CFAP47: variants seen among roughly 807,000 people sequenced by gnomAD.
The protein encoded by CFAP47 is cilia and flagella associated protein 47.
In CFAP47, 29 loss-of-function variants were observed where a neutral mutation model predicts 148.1. The observed-to-expected ratio is 0.20, with a 90% CI of 0.15 to 0.27. The LOEUF is 0.27. CFAP47 is among the 10% of genes least tolerant of loss of function. The pLI is 1.00. For missense variants in CFAP47, 1,872 were observed against 1,697.5 expected (o/e 1.10, Z -1.81); for synonymous variants, 664 against 577.3 (o/e 1.15, Z -2.15).
At chrX:36,212,980 G>T (rs1206327383) in intron 45 of CFAP47, among the ~76,000 whole-genome samples, 2 of 110,893 alleles carry the variant, frequency 1.8e-5, no homozygotes, top group South Asian at 7.7e-4. Flanking sequence ...GGGCGTGGTG[G>T]CACAAGCCTG....
chrX:35,921,850 A>G (rs6632397), intron 1 of CFAP47, among the ~76,000 whole-genome samples: 14,779 of 110,649 alleles, frequency 0.13, 764 homozygotes, highest in South Asian at 0.24. Context: ...TCACTATTAT[A>G]ATCACTCAGA....
At chrX:36,084,451 G>C (rs975351253) in intron 29 of CFAP47, among the ~76,000 whole-genome samples, 8 of 111,442 alleles carry the variant, frequency 7.2e-5, no homozygotes, top group African/African-American at 2.6e-4. Flanking sequence ...CATATTTTGA[G>C]CAGTGGTAGT....
chrX:36,332,987 A>G (rs1051048869), intron 57 of CFAP47, among the ~76,000 whole-genome samples: 2 of 111,832 alleles, frequency 1.8e-5, no homozygotes, highest in African/African-American at 6.5e-5. Flanking sequence ...AGCAATCTTT[A>G]TATGTAATGT....
At chrX:36,274,831 T>G (rs782421637) in intron 49 of CFAP47, among the ~76,000 whole-genome samples, 17 of 111,895 alleles carry the variant, frequency 1.5e-4, no homozygotes, top group Non-Finnish European at 2.8e-4. Context: ...TATTACTTTT[T>G]TCATAACTCC....
intron 37 of CFAP47, among the ~76,000 whole-genome samples, chrX:36,157,974 G>T (rs1569275689): frequency 9.0e-6 from 1 of 111,642 alleles, no homozygotes; most frequent in South Asian, 3.7e-4. Context: ...AATTGTTGAG[G>T]ACACATATCT....
At chrX:36,244,078 A>ACAC in intron 48 of CFAP47, among the ~76,000 whole-genome samples, 1 of 111,475 alleles carries the variant, frequency 9.0e-6, no homozygotes, top group East Asian at 2.8e-4. Flanking sequence ...TAATATCAAG[A>ACAC]AGATTTCTCA....
intron 21 of CFAP47, among the ~76,000 whole-genome samples, chrX:36,005,169 G>A (rs762528651): frequency 3.4e-4 from 37 of 110,411 alleles, no homozygotes; most frequent in African/African-American, 1.1e-3. Context: ...CTGATTTGCT[G>A]TATTATTTTT....
intron 62 of CFAP47, among the ~76,000 whole-genome samples, chrX:36,371,771 C>CGTGTGCATAT (rs1941955061): frequency 2.2e-5 from 1 of 44,941 alleles, no homozygotes; most frequent in African/African-American, 2.6e-4. Flanking sequence ...TGTGTATATA[C>CGTGTGCATAT]ACACATGTGT....
chrX:36,207,550 C>T (rs1357505286), intron 45 of CFAP47, among the ~76,000 whole-genome samples: 2 of 111,683 alleles, frequency 1.8e-5, no homozygotes, highest in Non-Finnish European at 3.8e-5. Context: ...ATTTTAGGGA[C>T]GGATTTACTG....
rs185372651 is a variant in CFAP47 at position 35,936,493 on chromosome X, C to A, written c.402-4790C>A. Among the ~76,000 whole-genome samples the A allele has an allele frequency of 7.2e-5, 7 of 97,071 alleles. No individual in the cohort carries two copies. The East Asian group carries it at 9.7e-4, about 13-fold the overall frequency. The allele number at this position is 97,071 out of a possible 115,157, so 84.3% of individuals were successfully genotyped here. A position where few individuals can be genotyped will look rare whatever the true frequency, so the allele number is the denominator to read the frequency against. On this transcript the variant is annotated intron_variant, in intron 2 of 63. Transcript: ENST00000378653. Reference sequence around the variant, plus strand: ...CTTTAAAATCCTTGCTAGATAATTTCAACCTGAGGTTCATCTTGGTTGACA... The same window carrying A: ...CTTTAAAATCCTTGCTAGATAATTTAAACCTGAGGTTCATCTTGGTTGACA...
chrX:36,022,246 C>T (rs773128112), intron 22 of CFAP47, among the ~76,000 whole-genome samples: 1 of 111,737 alleles, frequency 8.9e-6, no homozygotes, highest in Non-Finnish European at 1.9e-5. Flanking sequence ...TTTTGCCAGA[C>T]ATACTATTCT....
chrX:36,312,989 C>T (rs1160360492), intron 56 of CFAP47, among the ~76,000 whole-genome samples: 2 of 111,303 alleles, frequency 1.8e-5, no homozygotes, highest in Non-Finnish European at 3.8e-5. Flanking sequence ...TATTCTTATC[C>T]TTCTCCCTTT....
intron 14 of CFAP47, 86 bp downstream of exon 14, chrX:35,975,449 G>A: frequency 1.5e-6 from 1 of 673,986 alleles, no homozygotes; most frequent in Non-Finnish European, 2.2e-6. Context: ...TAATTGTATT[G>A]TATATTATAT....
At chrX:36,296,343 T>C (rs1556006705) in intron 51 of CFAP47, among the ~76,000 whole-genome samples, 2 of 112,345 alleles carry the variant, frequency 1.8e-5, no homozygotes, top group African/African-American at 6.5e-5. Context: ...GACTTATATA[T>C]GTAATAAGAC....
intron 49 of CFAP47, among the ~76,000 whole-genome samples, chrX:36,267,791 T>C (rs1787867509): frequency 8.9e-6 from 1 of 112,399 alleles, no homozygotes; most frequent in Admixed American, 9.4e-5. Context: ...TGGTTCATGT[T>C]CTTTTAGGTG....
At chrX:35,924,525 A>ATG (rs1555947491) in intron 1 of CFAP47, among the ~76,000 whole-genome samples, 1,817 of 100,183 alleles carry the variant, frequency 0.018, 53 homozygotes, top group African/African-American at 0.07. Flanking sequence ...ATGTGTATAT[A>ATG]TGCACATATA....
At chrX:36,130,912 G>A (rs1004333099) in intron 33 of CFAP47, among the ~76,000 whole-genome samples, 1 of 110,919 alleles carries the variant, frequency 9.0e-6, no homozygotes, top group African/African-American at 3.3e-5. Flanking sequence ...TAGAAGAATG[G>A]TTACCATGGA....
At chrX:36,130,972 C>T (rs948977760) in intron 33 of CFAP47, among the ~76,000 whole-genome samples, 1 of 109,640 alleles carries the variant, frequency 9.1e-6, no homozygotes, top group South Asian at 3.9e-4. Flanking sequence ...TTAATGGGTA[C>T]AAAAAAGAAT....
chrX:35,984,356 T>G (rs773862458), intron 15 of CFAP47, among the ~76,000 whole-genome samples: 5 of 111,570 alleles, frequency 4.5e-5, no homozygotes, highest in African/African-American at 1.6e-4. Context: ...TTTTTCTTTC[T>G]TACTCTAGCT....
Sources: gnomAD v4.1 joint callset for allele counts (sites outside exome capture counted in the v4.1 genomes callset) on GRCh38, gnomAD v4.1.1 for gene constraint, MANE v1.5 for transcripts, NCBI Gene and HGNC (gene_info 2026-07-23, HGNC 2026-07-21) for gene names.